CDC14B: variants seen among roughly 807,000 people sequenced by gnomAD.
CDC14B encodes dual specificity protein phosphatase CDC14B.
CDC14B carries 22 observed loss-of-function variants against 64.2 expected under a neutral mutation model. The ratio of observed to expected loss-of-function variants is 0.34; its 90% CI spans 0.24 to 0.49. CDC14B has a LOEUF of 0.49. Among genes scored for constraint, CDC14B ranks in the 20% least tolerant of loss-of-function variants. CDC14B has a pLI of 0.99. For missense variants in CDC14B, 498 were observed against 629.9 expected (o/e 0.79, Z 2.24); for synonymous variants, 191 against 215.8 (o/e 0.89, Z 1.01).
chr9:96,580,168 C>T (rs1160501304), intron 1 of CDC14B, among the ~76,000 whole-genome samples: 1 of 151,032 alleles, frequency 6.6e-6, no homozygotes, highest in East Asian at 1.9e-4. Flanking sequence ...TTCATGCCAT[C>T]CAGTTGGAAA....
At chr9:96,493,555 A>G (rs1587694995) in intron 13 of CDC14B, among the ~76,000 whole-genome samples, 2 of 152,218 alleles carry the variant, frequency 1.3e-5, no homozygotes, top group East Asian at 1.9e-4. Context: ...GCAAAACTAG[A>G]CTGGGCATGG....
chr9:96,614,301 G>C (rs1163042727), intron 1 of CDC14B, among the ~76,000 whole-genome samples: 1 of 151,700 alleles, frequency 6.6e-6, no homozygotes, highest in Non-Finnish European at 1.5e-5. Flanking sequence ...GAGTGCTGTG[G>C]AATGAACACA....
At chr9:96,581,118 TACTCA>T (rs1227342103) in intron 1 of CDC14B, among the ~76,000 whole-genome samples, 5 of 151,972 alleles carry the variant, frequency 3.3e-5, no homozygotes, top group Admixed American at 3.3e-4. Context: ...TAATCCCAGC[TACTCA>T]GGAGGCTGAG....
intron 1 of CDC14B, among the ~76,000 whole-genome samples, chr9:96,565,918 G>C (rs1323199157): frequency 1.3e-5 from 2 of 152,150 alleles, no homozygotes; most frequent in African/African-American, 4.8e-5. Flanking sequence ...TAAAGGGAAA[G>C]AATGCTTTCA....
rs868297646 is a variant in CDC14B, at chr9:96,501,677, C to G, written c.*2076G>C. ...AAATAGAAAGATTTTTAGAAAGAGCCACAGTGATAGCAATTCTAGGTGGAA... is the reference window on the plus strand; with the variant it reads ...AAATAGAAAGATTTTTAGAAAGAGCGACAGTGATAGCAATTCTAGGTGGAA... On this transcript the variant is annotated 3_prime_UTR_variant, in exon 14 of 14. Coordinates refer to ENST00000375241, the MANE Select transcript of CDC14B (RefSeq NM_033331.4). The G allele has an allele frequency of 6.6e-5, 10 of 152,448 alleles. No individual in the cohort carries two copies. The highest frequency in any genetic ancestry group is 2.1e-4 in the South Asian group (1 of 4,828). 9.4% of individuals were successfully genotyped at this position (152,448 alleles called of 1,614,324 possible).
At chr9:96,548,885 G>T (rs987561948) in intron 5 of CDC14B, among the ~76,000 whole-genome samples, 1 of 151,670 alleles carries the variant, frequency 6.6e-6, no homozygotes, top group African/African-American at 2.4e-5. Flanking sequence ...GAACATAAAA[G>T]AACTTATTTG....
chr9:96,606,076 G>A (rs1490441194), intron 1 of CDC14B, among the ~76,000 whole-genome samples: 2 of 151,950 alleles, frequency 1.3e-5, no homozygotes, highest in Non-Finnish European at 2.9e-5. Flanking sequence ...GCTCATGCCT[G>A]TAATCCCAGC....
Position 96,601,944 on chromosome 9 carries a change from A to G in CDC14B, c.160+17275T>C, listed in dbSNP as rs900460901. 2.4e-4 allele frequency among the ~76,000 whole-genome samples: 36 copies of G among 151,500 alleles called. 1 individual carries two copies. The highest frequency in any genetic ancestry group is 4.4e-5 in the Non-Finnish European group (3 of 67,938). On this transcript the variant is annotated intron_variant, in intron 1 of 13. Coordinates refer to ENST00000375241, the MANE Select transcript of CDC14B (RefSeq NM_033331.4). ...CATGGTGGTGGGTGCCTGTAACCCC[A>G]GCTACTCAGGAGGCTGAGGCAGGAG... is the stretch of plus-strand genomic sequence containing the variant.
chr9:96,562,924 AC>A, intron 3 of CDC14B, 139 bp from the exon 4 acceptor site: 1 of 627,388 alleles, frequency 1.6e-6, no homozygotes, highest in East Asian at 2.7e-5. Context: ...TAACATTGAT[AC>A]CCACAAATAC....
At chr9:96,526,048 C>A (rs941878599) in intron 9 of CDC14B, among the ~76,000 whole-genome samples, 13 of 151,990 alleles carry the variant, frequency 8.6e-5, no homozygotes, top group African/African-American at 3.1e-4. Flanking sequence ...GGCCCTAATC[C>A]AATAGGACTG....
intron 1 of CDC14B, among the ~76,000 whole-genome samples, chr9:96,615,708 G>A (rs1847583891): frequency 6.6e-6 from 1 of 152,124 alleles, no homozygotes; most frequent in Non-Finnish European, 1.5e-5. Flanking sequence ...CATTAAACGT[G>A]GAGATACCAT....
At chr9:96,507,005 C>T (rs1402681084) in intron 13 of CDC14B, among the ~76,000 whole-genome samples, 1 of 152,220 alleles carries the variant, frequency 6.6e-6, no homozygotes, top group Non-Finnish European at 1.5e-5. Flanking sequence ...TTAACAAAAG[C>T]CTGAGCGGCC....
At chr9:96,549,582 T>C (rs1288964730) in intron 5 of CDC14B, among the ~76,000 whole-genome samples, 10 of 151,880 alleles carry the variant, frequency 6.6e-5, no homozygotes, top group Non-Finnish European at 1.5e-5. Flanking sequence ...GAAGAATCGC[T>C]TGAACTTGGG....
downstream of CDC14B, among the ~76,000 whole-genome samples, chr9:96,496,696 C>A (rs1314827350): frequency 6.6e-6 from 1 of 152,238 alleles, no homozygotes; most frequent in African/African-American, 2.4e-5. Flanking sequence ...ACCGCCCAGG[C>A]CACCCTGAAG....
At chr9:96,587,273 A>T (rs576051529) in intron 1 of CDC14B, among the ~76,000 whole-genome samples, 1 of 152,340 alleles carries the variant, frequency 6.6e-6, no homozygotes, top group South Asian at 2.1e-4. Context: ...CAAGAAAGGG[A>T]AAGTCTCTAT....
intron 7 of CDC14B, among the ~76,000 whole-genome samples, chr9:96,535,539 T>C (rs1190952927): frequency 6.6e-6 from 1 of 152,132 alleles, no homozygotes; most frequent in African/African-American, 2.4e-5. Flanking sequence ...CTTAATGAAA[T>C]GGACAACAGA....
At chr9:96,529,009 G>T (rs1838013898) in intron 9 of CDC14B, among the ~76,000 whole-genome samples, 1 of 152,132 alleles carries the variant, frequency 6.6e-6, no homozygotes, top group Non-Finnish European at 1.5e-5. Flanking sequence ...CTTATCAGAA[G>T]TGATTTGCAA....
chr9:96,504,729 G>C (rs534111314), intron 13 of CDC14B, among the ~76,000 whole-genome samples: 1 of 152,178 alleles, frequency 6.6e-6, no homozygotes. Context: ...CAGAGGCAAC[G>C]GAACAGGTGC....
chr9:96,596,402 T>C (rs1358230867), intron 1 of CDC14B, among the ~76,000 whole-genome samples: 7 of 143,868 alleles, frequency 4.9e-5, no homozygotes, highest in Admixed American at 4.2e-4. Flanking sequence ...ACATGAAAGA[T>C]ATAAAAATGG....
Sources: gnomAD v4.1 joint callset for allele counts (sites outside exome capture counted in the v4.1 genomes callset) on GRCh38, gnomAD v4.1.1 for gene constraint, MANE v1.5 for transcripts, NCBI Gene and HGNC (gene_info 2026-07-23, HGNC 2026-07-21) for gene names.